MKLN1: variants seen among roughly 807,000 people sequenced by gnomAD.
MKLN1 encodes the protein muskelin 1.
Under a neutral mutation model 99.0 loss-of-function variants are expected in MKLN1, and 18 were observed. The ratio of observed to expected loss-of-function variants is 0.18; its 90% CI spans 0.13 to 0.27. The LOEUF is 0.27. MKLN1 is among the 10% of genes least tolerant of loss of function. MKLN1 has a pLI of 1.00. For synonymous variants in MKLN1, 288 were observed against 293.2 expected, an observed-to-expected ratio of 0.98 and a Z score of 0.18; for missense variants, 621 against 875.9, an observed-to-expected ratio of 0.71 and a Z score of 3.67.
chr7:131,362,002 G>C (rs1218386842), intron 1 of MKLN1, among the ~76,000 whole-genome samples: 1 of 151,970 alleles, frequency 6.6e-6, no homozygotes, highest in Non-Finnish European at 1.5e-5. Context: ...CAGAAAGAAT[G>C]GCTCAAGGAA....
intron 16 of MKLN1, among the ~76,000 whole-genome samples, chr7:131,474,245 T>G (rs1228160827): frequency 6.6e-6 from 1 of 152,192 alleles, no homozygotes; most frequent in Non-Finnish European, 1.5e-5. Context: ...ATAGATTAGA[T>G]CTAGTGTTTG....
chr7:131,387,788 C>T (rs548755888), intron 3 of MKLN1, among the ~76,000 whole-genome samples: 55 of 152,198 alleles, frequency 3.6e-4, no homozygotes, highest in Non-Finnish European at 6.8e-4. Context: ...ATTTGACCAC[C>T]GGGAATGAAG....
In MKLN1 at chr7:131,495,022, G is replaced by C. The variant is rs1216114388; in HGVS notation, c.*7294G>C. On this transcript the variant is annotated 3_prime_UTR_variant, in exon 18 of 18. Transcript: ENST00000352689. ...TACAGTTGAGTTATTAGCCTCAGAG[G>C]AAGAGTACAGGAAAGCGAAGATGAG... is the stretch of plus-strand genomic sequence containing the variant. 1.3e-5 allele frequency: 2 copies of C among 152,172 alleles called. No homozygotes were observed. Among genetic ancestry groups the C allele is most frequent in the Non-Finnish European group, 2.9e-5 (2 of 68,022 alleles). 9.4% of individuals were successfully genotyped at this position (152,172 alleles called of 1,614,324 possible). A position where few individuals can be genotyped will look rare whatever the true frequency, so the allele number is the denominator to read the frequency against.
intron 11 of MKLN1, among the ~76,000 whole-genome samples, chr7:131,444,717 T>TGAG (rs1297372605): frequency 2.1e-4 from 26 of 121,264 alleles, no homozygotes; most frequent in Non-Finnish European, 4.3e-4. Flanking sequence ...ACCTGGGTTT[T>TGAG]GAGTAGTAGT....
chr7:131,227,352 C>T (rs1563259143), intron 3 of MKLN1, among the ~76,000 whole-genome samples: 1 of 151,442 alleles, frequency 6.6e-6, no homozygotes, highest in Non-Finnish European at 1.5e-5. Flanking sequence ...TTCTTTCTTT[C>T]CTTCTCTCTC....
At chr7:131,308,646 C>T (rs910199480) in intron 3 of MKLN1, among the ~76,000 whole-genome samples, 2 of 151,468 alleles carry the variant, frequency 1.3e-5, no homozygotes, top group Non-Finnish European at 2.9e-5. Context: ...AGTGCAATGG[C>T]ATGATCTCAG....
intron 7 of MKLN1, among the ~76,000 whole-genome samples, chr7:131,414,011 A>G (rs1200972700): frequency 6.6e-6 from 1 of 152,198 alleles, no homozygotes; most frequent in Non-Finnish European, 1.5e-5. Flanking sequence ...TTCCTCAGTC[A>G]GTTCTTACAT....
At chr7:131,125,574 T>C (rs992184143) in intron 1 of MKLN1, among the ~76,000 whole-genome samples, 7 of 151,906 alleles carry the variant, frequency 4.6e-5, no homozygotes. Flanking sequence ...AAGACGAGCA[T>C]CCAAAAAAAG....
At chr7:131,472,958 A>AC (rs913451291) in intron 16 of MKLN1, among the ~76,000 whole-genome samples, 2 of 151,364 alleles carry the variant, frequency 1.3e-5, no homozygotes, top group Admixed American at 1.3e-4. Flanking sequence ...AAAAAAAAAA[A>AC]AAAAAAAGAA....
At chr7:131,290,475 T>TGATGTATCC (rs768371711) in intron 3 of MKLN1, among the ~76,000 whole-genome samples, 1 of 152,236 alleles carries the variant, frequency 6.6e-6, no homozygotes, top group Admixed American at 6.5e-5. Flanking sequence ...TTTCATTCTC[T>TGATGTATCC]GATGTATCCC....
At chr7:131,362,298 T>C (rs942022035) in intron 1 of MKLN1, among the ~76,000 whole-genome samples, 3 of 152,050 alleles carry the variant, frequency 2.0e-5, no homozygotes. Flanking sequence ...TATTATAATC[T>C]CATGGGGCCA....
intron 3 of MKLN1, among the ~76,000 whole-genome samples, chr7:131,273,046 G>A (rs1443300269): frequency 2.6e-5 from 4 of 152,228 alleles, no homozygotes; most frequent in African/African-American, 9.6e-5. Flanking sequence ...AGATATCACA[G>A]TCTGGTCAAA....
At chr7:131,125,787 G>A (rs1331722161) in intron 1 of MKLN1, among the ~76,000 whole-genome samples, 2 of 151,912 alleles carry the variant, frequency 1.3e-5, no homozygotes, top group African/African-American at 2.4e-5. Context: ...GGAGAATCAC[G>A]AGGTCAGGAG....
At chr7:131,234,385 C>T (rs1295329959) in intron 3 of MKLN1, among the ~76,000 whole-genome samples, 1 of 151,876 alleles carries the variant, frequency 6.6e-6, no homozygotes, top group Non-Finnish European at 1.5e-5. Context: ...TTCTGTTTAA[C>T]GTGTGAATGT....
intron 2 of MKLN1, among the ~76,000 whole-genome samples, chr7:131,156,255 C>T (rs555427009): frequency 5.1e-4 from 77 of 151,986 alleles, no homozygotes; most frequent in Non-Finnish European, 1.0e-3. Context: ...CGACCAGGCG[C>T]GGTGGCTCAC....
At chr7:131,369,706 A>C (rs2116830266) in intron 1 of MKLN1, among the ~76,000 whole-genome samples, 1 of 152,326 alleles carries the variant, frequency 6.6e-6, no homozygotes, top group African/African-American at 2.4e-5. Context: ...GAAAGTTTTA[A>C]TATAATCAAA....
chr7:131,277,194 C>T (rs570716629), intron 3 of MKLN1, among the ~76,000 whole-genome samples: 5 of 151,866 alleles, frequency 3.3e-5, no homozygotes, highest in African/African-American at 1.2e-4. Flanking sequence ...GATTAATGTA[C>T]AAATATACAG....
At chr7:131,169,179 G>C (rs900568113) in intron 2 of MKLN1, among the ~76,000 whole-genome samples, 3 of 152,148 alleles carry the variant, frequency 2.0e-5, no homozygotes, top group Non-Finnish European at 4.4e-5. Context: ...ACCGTGTCTG[G>C]CTGAAACCCT....
chr7:131,142,931 A>T, exon 2 of MKLN1: 4 of 1,305,084 alleles, frequency 3.1e-6, no homozygotes, highest in Non-Finnish European at 3.0e-6. Context: ...AAACATGGGG[A>T]TTGGAATTCG....
Sources: gnomAD v4.1 joint callset for allele counts (sites outside exome capture counted in the v4.1 genomes callset) on GRCh38, gnomAD v4.1.1 for gene constraint, MANE v1.5 for transcripts, NCBI Gene and HGNC (gene_info 2026-07-23, HGNC 2026-07-21) for gene names.